The following TNNI3K variants were observed in gnomAD, a reference collection of about 807,000 sequenced individuals.
TNNI3K encodes serine/threonine-protein kinase TNNI3K.
TNNI3K carries 140 observed loss-of-function variants against 114.5 expected under a neutral mutation model. The ratio of observed to expected loss-of-function variants is 1.22; its 90% CI spans 1.07 to 1.41. The LOEUF (loss-of-function observed/expected upper bound fraction) is 1.41. Among genes scored for constraint, TNNI3K ranks in the 40% most tolerant of loss-of-function variants. The probability of loss-of-function intolerance (pLI) is 0.00; values close to 1 mark genes in which losing one functional copy is unlikely to be tolerated. For synonymous variants in TNNI3K, 347 were observed against 347.5 expected (o/e 1.00, Z 0.02); for missense variants, 1,125 against 1,007.6 (o/e 1.12, Z -1.58).
chr1:74,250,159 TGTAA>T lies in TNNI3K; in HGVS notation c.236-510_236-507del, dbSNP rs375465036. Among the ~76,000 whole-genome samples, 20 of 152,304 alleles carry T rather than the reference TGTAA, an allele frequency of 1.3e-4. No individual in the cohort carries two copies. The South Asian group carries it at 3.7e-3, about 28-fold the overall frequency. On this transcript the variant is annotated intron_variant, in intron 3 of 24. Transcript: ENST00000326637. ...AACTTCTTAAAATGGAACAGAAATG[TGTAA>T]GTGTCAACTCTAACCATATTCCTTA...
At position 74,491,366 on chromosome 1, in the gene TNNI3K, C is replaced by T. The variant is rs45530338; in HGVS notation, c.2182-731C>T. Reference sequence around the variant, plus strand: ...TCCCCAGTAGCTGGGACTACAGGTGCGTGCCACCACTCCCAGCTAATTTTT... The same window carrying T: ...TCCCCAGTAGCTGGGACTACAGGTGTGTGCCACCACTCCCAGCTAATTTTT... On this transcript the variant is annotated intron_variant, in intron 22 of 24. Transcript: ENST00000326637. Among the ~76,000 whole-genome samples, 283 of 152,246 alleles carry T rather than the reference C, an allele frequency of 1.9e-3. 1 individual carries two copies. Among genetic ancestry groups the T allele is most frequent in the African/African-American group, 5.8e-3 (241 of 41,552 alleles).
chr1:74,287,369 A>G (rs1657396588), intron 5 of TNNI3K, among the ~76,000 whole-genome samples: 1 of 152,200 alleles, frequency 6.6e-6, no homozygotes, highest in Non-Finnish European at 1.5e-5. Flanking sequence ...CATGAAGCCC[A>G]AAGAACCCCA....
At chr1:74,377,261 T>A (rs1415365555) in intron 17 of TNNI3K, 1 of 152,134 alleles carries the variant, frequency 6.6e-6, no homozygotes, top group Non-Finnish European at 1.5e-5. Context: ...AAAGTCAGTC[T>A]AATTATTCAT....
intron 5 of TNNI3K, among the ~76,000 whole-genome samples, chr1:74,278,685 AATC>A (rs2100242436): frequency 6.6e-6 from 1 of 152,316 alleles, no homozygotes; most frequent in South Asian, 2.1e-4. Context: ...AGAGTTGTGT[AATC>A]ATCACCAAAA....
At chr1:74,260,317 T>G (rs1435310254) in intron 4 of TNNI3K, among the ~76,000 whole-genome samples, 2 of 152,224 alleles carry the variant, frequency 1.3e-5, no homozygotes, top group Non-Finnish European at 2.9e-5. Context: ...TGAGAAATAC[T>G]TGTTTGGAAA....
At chr1:74,396,799 C>T (rs538391163) in intron 17 of TNNI3K, among the ~76,000 whole-genome samples, 1 of 152,306 alleles carries the variant, frequency 6.6e-6, no homozygotes, top group Non-Finnish European at 1.5e-5. Flanking sequence ...GGAGATTCCT[C>T]CTGCTTCTGC....
At chr1:74,247,617 C>T (rs1356727537) in intron 2 of TNNI3K, among the ~76,000 whole-genome samples, 37 of 152,074 alleles carry the variant, frequency 2.4e-4, no homozygotes, top group South Asian at 4.2e-4. Context: ...ATTTACAATC[C>T]CTGAGCTAGA....
At chr1:74,403,935 A>T (rs699840) in intron 17 of TNNI3K, among the ~76,000 whole-genome samples, 141,343 of 152,234 alleles carry the variant, frequency 0.93, 65,634 homozygotes, top group East Asian at 0.98. Flanking sequence ...TACCACCATT[A>T]GAGTAAATAA....
At chr1:74,513,994 T>C (rs919103107) in intron 23 of TNNI3K, among the ~76,000 whole-genome samples, 2 of 152,212 alleles carry the variant, frequency 1.3e-5, no homozygotes, top group Non-Finnish European at 2.9e-5. Flanking sequence ...TCTTTGGTTG[T>C]ACAGTGCCTG....
At chr1:74,378,447 AGGACCCATCTT>A (rs1386287097) in intron 17 of TNNI3K, among the ~76,000 whole-genome samples, 204 of 151,418 alleles carry the variant, frequency 1.3e-3, no homozygotes, top group Non-Finnish European at 2.3e-3. Context: ...GATGTTACTC[AGGACCCATCTT>A]CAACGTGTGA....
rs554795337 is a variant in TNNI3K, at chr1:74,490,503, C to T, written c.2181+1255C>T. 2.0e-5 allele frequency among the ~76,000 whole-genome samples: 3 copies of T among 152,302 alleles called. No homozygotes were observed. In the South Asian group the frequency reaches 6.2e-4, roughly 32 times the overall value. ...GGATCTACAAACATGATAGGATCTA[C>T]TAAACTAGCTTGTCTTATTGTAATA... is the stretch of plus-strand genomic sequence containing the variant. On this transcript the variant is annotated intron_variant, in intron 22 of 24. Coordinates refer to ENST00000326637, the MANE Select transcript of TNNI3K (RefSeq NM_015978.3).
chr1:74,543,091 T>TGAGA (rs1646747314), intron 24 of TNNI3K, among the ~76,000 whole-genome samples: 1 of 62,610 alleles, frequency 1.6e-5, no homozygotes, highest in African/African-American at 6.0e-5. Flanking sequence ...TTTTTTTTTT[T>TGAGA]TTGAGATGGA....
intron 17 of TNNI3K, among the ~76,000 whole-genome samples, chr1:74,405,840 T>C (rs1447173906): frequency 1.3e-5 from 2 of 152,252 alleles, no homozygotes; most frequent in Non-Finnish European, 2.9e-5. Context: ...GGTTGAATAC[T>C]AATCTGAAAC....
intron 17 of TNNI3K, among the ~76,000 whole-genome samples, chr1:74,392,592 G>C (rs374680924): frequency 3.3e-5 from 5 of 152,056 alleles, no homozygotes; most frequent in African/African-American, 7.2e-5. Context: ...TTTCTTGCTG[G>C]AATGGATTTC....
At chr1:74,447,961 G>A (rs1666778346) in intron 20 of TNNI3K, among the ~76,000 whole-genome samples, 3 of 14,804 alleles carry the variant, frequency 2.0e-4, no homozygotes, top group Admixed American at 6.5e-4. Flanking sequence ...TCCTTTGTAG[G>A]GACATGGATG....
In TNNI3K at chr1:74,369,097, A is replaced by G. The variant is rs1662446055; in HGVS notation, c.1397A>G (p.His466Arg). The change falls in exon 14 of 25, where the codon CAT (histidine) becomes CGT (arginine). Residue 466 changes from histidine to arginine, a missense_variant. Physicochemically the swap from His to Arg is conservative, Grantham distance 29 (BLOSUM62 0). Transcript: ENST00000326637. Reference protein sequence around the residue: ...FHLQLSEIEFHEIIGSGSFGK... With the variant: ...FHLQLSEIEFREIIGSGSFGK... ...CTTCAGCTCTCAGAAATTGAGTTCC[A>G]TGAGATTATTGGCTCAGGTAACCTA... 2.5e-6 allele frequency: 4 copies of G among 1,610,424 alleles called. No homozygotes were observed. The highest frequency in any genetic ancestry group is 1.7e-5 in the Admixed American group (1 of 59,602).
chr1:74,245,873 T>G (rs1378719453), intron 2 of TNNI3K, among the ~76,000 whole-genome samples: 1 of 152,108 alleles, frequency 6.6e-6, no homozygotes, highest in Non-Finnish European at 1.5e-5. Context: ...CTTTCTGTGT[T>G]CCCCTGCAGC....
At chr1:74,332,592 G>T (rs970889436) in intron 6 of TNNI3K, among the ~76,000 whole-genome samples, 8 of 152,086 alleles carry the variant, frequency 5.3e-5, no homozygotes, top group African/African-American at 1.9e-4. Flanking sequence ...GAGCCACCAT[G>T]CCCAGCCTAT....
At chr1:74,360,959 C>T (rs1476956557) in intron 11 of TNNI3K, among the ~76,000 whole-genome samples, 1 of 152,024 alleles carries the variant, frequency 6.6e-6, no homozygotes, top group Non-Finnish European at 1.5e-5. Flanking sequence ...AATAGATATT[C>T]ATGCTTGTTG....
Sources: gnomAD v4.1 joint callset for allele counts (sites outside exome capture counted in the v4.1 genomes callset) on GRCh38, gnomAD v4.1.1 for gene constraint, MANE v1.5 for transcripts, NCBI Gene and HGNC (gene_info 2026-07-23, HGNC 2026-07-21) for gene names.